Variants in ARHGEF26 observed in about 807,000 individuals in gnomAD.
ARHGEF26 encodes Rho guanine nucleotide exchange factor (GEF) 26.
In ARHGEF26, 59 loss-of-function variants were observed where a neutral mutation model predicts 89.4. The observed-to-expected ratio is 0.66, with a 90% CI of 0.54 to 0.82. The LOEUF (loss-of-function observed/expected upper bound fraction) is 0.82, where lower values mean the gene tolerates loss of function less well. Among genes scored for constraint, ARHGEF26 ranks in the 40% least tolerant of loss-of-function variants. The pLI is 0.00. For missense variants in ARHGEF26, 1,234 were observed against 1,085.6 expected (o/e 1.14, Z -1.92); for synonymous variants, 500 against 428.4 (o/e 1.17, Z -2.06).
chr3:154,142,913 ATCTT>A (rs1382912531), intron 4 of ARHGEF26, among the ~76,000 whole-genome samples: 1 of 152,156 alleles, frequency 6.6e-6, no homozygotes, highest in Non-Finnish European at 1.5e-5. Flanking sequence ...CTTGATTAAA[ATCTT>A]TCTTTCTTAT....
chr3:154,184,552 G>C (rs945369900), intron 6 of ARHGEF26, among the ~76,000 whole-genome samples: 1 of 152,120 alleles, frequency 6.6e-6, no homozygotes, highest in African/African-American at 2.4e-5. Context: ...TATTGACCGG[G>C]TGGAAACCTT....
chr3:154,206,168 T>A (rs984439095), intron 9 of ARHGEF26, among the ~76,000 whole-genome samples: 1 of 152,126 alleles, frequency 6.6e-6, no homozygotes, highest in Non-Finnish European at 1.5e-5. Flanking sequence ...TACTATTTTA[T>A]GGTAAAAGTT....
intron 8 of ARHGEF26, among the ~76,000 whole-genome samples, chr3:154,193,806 C>T (rs1227627079): frequency 6.6e-6 from 1 of 151,732 alleles, no homozygotes; most frequent in African/African-American, 2.4e-5. Context: ...CAACAGAAAA[C>T]CTAGCAGGCT....
At position 154,187,598 on chromosome 3, in the gene ARHGEF26, C is replaced by T. The variant is rs1035608067; in HGVS notation, c.1488-87C>T. The T allele has an allele frequency of 4.2e-5, 50 of 1,184,404 alleles. No homozygotes were observed. The South Asian group carries it at 4.7e-4, about 11-fold the overall frequency. 73.4% of individuals were successfully genotyped at this position (1,184,404 alleles called of 1,614,324 possible). Reference sequence around the variant, plus strand: ...TGTGTACTGTTGAATTTTCAAACCCCGTGTAATAACATTACATGAGGCTAA... The same window carrying T: ...TGTGTACTGTTGAATTTTCAAACCCTGTGTAATAACATTACATGAGGCTAA... On this transcript the variant is annotated intron_variant, in intron 6 of 14. Coordinates refer to ENST00000465093, the MANE Select transcript of ARHGEF26 (RefSeq NM_015595.4).
chr3:154,135,583 A>G (rs1004411636), intron 4 of ARHGEF26, among the ~76,000 whole-genome samples: 1 of 152,184 alleles, frequency 6.6e-6, no homozygotes, highest in Non-Finnish European at 1.5e-5. Context: ...ACCCTGCTGC[A>G]CGCAGGTAAA....
intron 2 of ARHGEF26, 107 bp from the exon 3 acceptor site, chr3:154,124,302 TA>T (rs372053352): frequency 1.1e-4 from 84 of 769,754 alleles, no homozygotes; most frequent in Admixed American, 1.3e-4. Context: ...ATGTAATGAC[TA>T]AAAAAAAGTA....
rs2108187086 is a variant in ARHGEF26 at position 154,191,357 on chromosome 3, C to G, written c.1709C>G (p.Pro570Arg). The G allele has an allele frequency of 6.2e-7, 1 of 1,613,752 alleles. No homozygotes were observed. The highest frequency in any genetic ancestry group is 2.2e-5 in the East Asian group (1 of 44,868). The change falls in exon 8 of 15, where the codon CCC becomes CGC. Residue 570 changes from proline to arginine, a missense_variant. Coordinates refer to ENST00000465093, the MANE Select transcript of ARHGEF26 (RefSeq NM_015595.4). ...TCCCATGAAGACTGTAGGAACTTACCCATGATCTCTTTTCTCATTCTCCCC... is the reference window on the plus strand; with the variant it reads ...TCCCATGAAGACTGTAGGAACTTACGCATGATCTCTTTTCTCATTCTCCCC... ...IESHEDCRNL[P>R]MISFLILPMQ... is the part of the protein sequence containing the mutation.
chr3:154,176,951 G>A (rs1712858959), intron 6 of ARHGEF26, among the ~76,000 whole-genome samples: 1 of 152,118 alleles, frequency 6.6e-6, no homozygotes, highest in African/African-American at 2.4e-5. Flanking sequence ...GCTTGGTAGA[G>A]TCTCTAAAAG....
At chr3:154,205,576 T>A (rs539652618) in intron 9 of ARHGEF26, among the ~76,000 whole-genome samples, 1 of 152,290 alleles carries the variant, frequency 6.6e-6, no homozygotes, top group African/African-American at 2.4e-5. Context: ...TGTTTTGTGG[T>A]CTTCTATTCC....
chr3:154,232,842 C>T (rs1028575474), intron 11 of ARHGEF26, among the ~76,000 whole-genome samples: 5 of 143,784 alleles, frequency 3.5e-5, no homozygotes, highest in Non-Finnish European at 7.7e-5. Context: ...TTCTTTCTTT[C>T]TTTTTTTTTT....
chr3:154,155,176 T>C (rs538702488), intron 6 of ARHGEF26, among the ~76,000 whole-genome samples: 1 of 152,044 alleles, frequency 6.6e-6, no homozygotes, highest in Admixed American at 6.6e-5. Context: ...ATTTCTCTTA[T>C]AAGCTTTTCC....
chr3:154,188,960 G>A (rs1327260200), intron 7 of ARHGEF26, among the ~76,000 whole-genome samples: 1 of 152,114 alleles, frequency 6.6e-6, no homozygotes, highest in Non-Finnish European at 1.5e-5. Context: ...TGCATTTTAA[G>A]ATGCTTAAGG....
chr3:154,150,057 ATT>A (rs1719927934), intron 5 of ARHGEF26, among the ~76,000 whole-genome samples: 1 of 134,598 alleles, frequency 7.4e-6, no homozygotes, highest in African/African-American at 3.2e-5. Context: ...CCTGCATATT[ATT>A]GTGTGTGTGT....
chr3:154,220,782 TC>T (rs964972600), intron 10 of ARHGEF26, among the ~76,000 whole-genome samples: 2 of 151,850 alleles, frequency 1.3e-5, no homozygotes, highest in African/African-American at 4.8e-5. Flanking sequence ...TTACTCCAAA[TC>T]CAGAAGTCAT....
intron 12 of ARHGEF26, among the ~76,000 whole-genome samples, chr3:154,247,105 T>A (rs1380035057): frequency 6.6e-6 from 1 of 152,200 alleles, no homozygotes; most frequent in Admixed American, 6.5e-5. Flanking sequence ...CATCCAGCTC[T>A]TTCATGCTAA....
intron 11 of ARHGEF26, among the ~76,000 whole-genome samples, chr3:154,234,969 A>T (rs570190329): frequency 1.3e-5 from 2 of 152,056 alleles, no homozygotes; most frequent in Admixed American, 1.3e-4. Flanking sequence ...TCACCGTGTT[A>T]TCCAGGATGG....
rs117534685 is a variant in ARHGEF26 at position 154,214,529 on chromosome 3, G to C, written c.1846-3340G>C. ...TGGATGATGCTGAGTTGAGTCACCA[G>C]GATAGACAGTGTGGAGCCAGGGACA... On this transcript the variant is annotated intron_variant, in intron 9 of 14. Transcript: ENST00000465093. 1.1e-3 allele frequency among the ~76,000 whole-genome samples: 175 copies of C among 152,270 alleles called. 1 individual carries two copies. In the East Asian group the frequency reaches 0.031, roughly 27 times the overall value.
At chr3:154,123,429 C>T (rs1482196604) in intron 2 of ARHGEF26, among the ~76,000 whole-genome samples, 2 of 152,150 alleles carry the variant, frequency 1.3e-5, no homozygotes, top group South Asian at 4.1e-4. Context: ...CCGCACTCTG[C>T]AGTCAAGTTG....
At chr3:154,223,612 C>T (rs1012564859) in intron 10 of ARHGEF26, among the ~76,000 whole-genome samples, 1 of 152,048 alleles carries the variant, frequency 6.6e-6, no homozygotes, top group Non-Finnish European at 1.5e-5. Context: ...TTGTATAATT[C>T]CATTTATATG....
Sources: allele counts gnomAD v4.1 joint callset (sites outside exome capture counted in the v4.1 genomes callset), GRCh38; gene constraint gnomAD v4.1.1; transcripts MANE v1.5; gene names NCBI Gene and HGNC (gene_info 2026-07-23, HGNC 2026-07-21).